Variants in CCDC73 observed in about 807,000 individuals in gnomAD.
CCDC73 encodes coiled-coil domain containing 73.
A neutral mutation model predicts 116.5 loss-of-function variants in CCDC73; 95 were observed. The ratio of observed to expected loss-of-function variants is 0.82; its 90% CI spans 0.69 to 0.97. The LOEUF (loss-of-function observed/expected upper bound fraction) is 0.97. Among genes scored for constraint, CCDC73 ranks in the 50% least tolerant of loss-of-function variants. CCDC73 has a pLI of 0.00. For synonymous variants in CCDC73, 398 were observed against 401.3 expected (o/e 0.99, Z 0.10); for missense variants, 1,066 against 1,206.8 (o/e 0.88, Z 1.73).
the CCDC73 span, among the ~76,000 whole-genome samples, chr11:32,822,315 T>G: frequency 1.3e-5 from 2 of 152,222 alleles, no homozygotes; most frequent in Non-Finnish European, 2.9e-5. Flanking sequence ...GGTAACCACA[T>G]GCTTGCTCAC....
Position 32,700,819 on chromosome 11 carries a change from A to G in CCDC73, c.287T>C (p.Met96Thr), listed in dbSNP as rs1356661979. ...TTCTTCTTCCAGGGCACACATCTTC[A>G]TCTGCAACTGATAAACAATTTTAAA... is the stretch of plus-strand genomic sequence containing the variant. ...AMAVFKKQLQMKMCALEEEKG... is the reference protein window; with the variant it reads ...AMAVFKKQLQTKMCALEEEKG... The change falls in exon 5 of 18, where the codon ATG becomes ACG. Residue 96 changes from methionine to threonine, a missense_variant. By Grantham distance (81) the Met-to-Thr change is moderately conservative. Coordinates refer to ENST00000335185, the MANE Select transcript of CCDC73 (RefSeq NM_001008391.4). The G allele has an allele frequency of 1.4e-6, 2 of 1,445,874 alleles. No individual in the cohort carries two copies. The highest frequency in any genetic ancestry group is 1.9e-6 in the Non-Finnish European group (2 of 1,068,632). The allele number at this position is 1,445,874 out of a possible 1,614,324, so 89.6% of individuals were successfully genotyped here. A position where few individuals can be genotyped will look rare whatever the true frequency, so the allele number is the denominator to read the frequency against.
chr11:32,808,353 T>G, the CCDC73 span, among the ~76,000 whole-genome samples: 3 of 152,120 alleles, frequency 2.0e-5, no homozygotes, highest in African/African-American at 7.2e-5. Flanking sequence ...AGACAGGCCA[T>G]GTGGGCTGGG....
chr11:32,718,829 A>T (rs1005904928), intron 2 of CCDC73, among the ~76,000 whole-genome samples: 8 of 152,168 alleles, frequency 5.3e-5, no homozygotes, highest in African/African-American at 1.7e-4. Flanking sequence ...TGGGAGAACA[A>T]GGCAACAACA....
chr11:32,725,380 G>T (rs1169445913), intron 2 of CCDC73, among the ~76,000 whole-genome samples: 1 of 152,034 alleles, frequency 6.6e-6, no homozygotes, highest in Non-Finnish European at 1.5e-5. Flanking sequence ...GGGAAAAACA[G>T]TACATATTGC....
intron 1 of CCDC73, among the ~76,000 whole-genome samples, chr11:32,776,950 T>C (rs61892163): frequency 3.1e-3 from 89 of 28,406 alleles, no homozygotes; most frequent in Admixed American, 0.013. Flanking sequence ...TATATATATA[T>C]ATATATATAT....
chr11:32,787,441 T>C (rs1403950718), intron 1 of CCDC73, among the ~76,000 whole-genome samples: 1 of 152,220 alleles, frequency 6.6e-6, no homozygotes, highest in Non-Finnish European at 1.5e-5. Context: ...AACACAATTG[T>C]CTTTTTTATA....
chr11:32,671,285 T>C (rs1856035395), intron 9 of CCDC73, among the ~76,000 whole-genome samples: 1 of 151,872 alleles, frequency 6.6e-6, no homozygotes, highest in Non-Finnish European at 1.5e-5. Context: ...TGAATGCTGC[T>C]CATAGATAGT....
chr11:32,607,863 C>T (rs550654625), intron 17 of CCDC73, among the ~76,000 whole-genome samples: 4 of 152,206 alleles, frequency 2.6e-5, no homozygotes, highest in South Asian at 2.1e-4. Context: ...CTGGGGAGGC[C>T]TCATAATCAT....
At chr11:32,700,883 C>A (rs1590602224) in intron 4 of CCDC73, 57 bp from the exon 5 acceptor site, 10 of 762,832 alleles carry the variant, frequency 1.3e-5, no homozygotes, top group African/African-American at 9.1e-5. Context: ...GTGATCTATA[C>A]TGGTCACTGA....
the CCDC73 span, among the ~76,000 whole-genome samples, chr11:32,799,838 T>C: frequency 9.9e-5 from 15 of 152,206 alleles, no homozygotes; most frequent in Admixed American, 2.6e-4. Flanking sequence ...CCTACTTAAA[T>C]GCTATAGTAA....
At chr11:32,703,794 G>T (rs1255166130) in intron 3 of CCDC73, among the ~76,000 whole-genome samples, 1 of 151,996 alleles carries the variant, frequency 6.6e-6, no homozygotes, top group Admixed American at 6.5e-5. Context: ...CACCTTTTTG[G>T]TGGAAGTTGC....
intron 2 of CCDC73, among the ~76,000 whole-genome samples, chr11:32,758,846 C>G (rs10767961): frequency 0.59 from 89,604 of 151,850 alleles, 26,741 homozygotes; most frequent in East Asian, 0.84. Context: ...TACAAAAACA[C>G]TTCTTTATAA....
intron 2 of CCDC73, among the ~76,000 whole-genome samples, chr11:32,733,130 TA>T (rs1248907082): frequency 1.3e-5 from 2 of 151,760 alleles, no homozygotes; most frequent in Admixed American, 6.6e-5. Context: ...TAGTCTCTGA[TA>T]AAACAGACTT....
the CCDC73 span, among the ~76,000 whole-genome samples, chr11:32,806,415 G>A: frequency 6.6e-6 from 1 of 152,044 alleles, no homozygotes; most frequent in African/African-American, 2.4e-5. Flanking sequence ...CTTGAGCCCA[G>A]GAGTTCAAGA....
At chr11:32,743,853 A>T (rs1048294833) in intron 2 of CCDC73, among the ~76,000 whole-genome samples, 1 of 152,186 alleles carries the variant, frequency 6.6e-6, no homozygotes, top group African/African-American at 2.4e-5. Flanking sequence ...TCATCTGCAA[A>T]CAGAGACAAT....
chr11:32,796,310 AT>A (rs1255169016), upstream of CCDC73, among the ~76,000 whole-genome samples: 1 of 152,264 alleles, frequency 6.6e-6, no homozygotes, highest in Non-Finnish European at 1.5e-5. Flanking sequence ...ATAAATTCAT[AT>A]GAATGAATAA....
intron 9 of CCDC73, among the ~76,000 whole-genome samples, chr11:32,666,418 A>G (rs1855981824): frequency 6.6e-6 from 1 of 152,132 alleles, no homozygotes; most frequent in Admixed American, 6.5e-5. Flanking sequence ...TTGATCTTCA[A>G]TCACTGGTAC....
intron 9 of CCDC73, among the ~76,000 whole-genome samples, chr11:32,666,388 T>A (rs1266751630): frequency 2.6e-5 from 4 of 152,206 alleles, no homozygotes; most frequent in Non-Finnish European, 5.9e-5. Context: ...AAACTTCTCT[T>A]CTCACTTCAT....
chr11:32,627,808 C>T (rs942889670), intron 14 of CCDC73, among the ~76,000 whole-genome samples: 5 of 151,948 alleles, frequency 3.3e-5, no homozygotes, highest in African/African-American at 4.8e-5. Context: ...CATCACACAC[C>T]GGGGCCTGTT....
Sources: allele counts gnomAD v4.1 joint callset (sites outside exome capture counted in the v4.1 genomes callset), GRCh38; gene constraint gnomAD v4.1.1; transcripts MANE v1.5; gene names NCBI Gene and HGNC (gene_info 2026-07-23, HGNC 2026-07-21).